RYR3: variants seen among roughly 807,000 people sequenced by gnomAD.
RYR3 encodes the protein ryanodine receptor 3.
A neutral mutation model predicts 584.3 loss-of-function variants in RYR3; 207 were observed. The observed-to-expected ratio is 0.35, with a 90% confidence interval of 0.32 to 0.40. The LOEUF (loss-of-function observed/expected upper bound fraction) is 0.40, where lower values mean the gene tolerates loss of function less well. Ranked by LOEUF, RYR3 falls within the 10% of genes least tolerant of loss-of-function variation. RYR3 has a pLI of 1.00. For synonymous variants in RYR3, 2,416 were observed against 2,248.5 expected, an observed-to-expected ratio of 1.07 and a Z score of -2.11; for missense variants, 5,616 against 6,089.2, an observed-to-expected ratio of 0.92 and a Z score of 2.59.
At position 33,647,476 on chromosome 15, in the gene RYR3, C is replaced by T; in HGVS notation, c.3978+16C>T. 6.3e-7 allele frequency: 1 copy of T among 1,575,274 alleles called. No homozygotes were observed. The highest frequency in any genetic ancestry group is 8.7e-7 in the Non-Finnish European group (1 of 1,145,036). ...TACAACAACAGTAAGTAAATGTGCT[C>T]AATTATGGTTTTAATTATTTGATTC... On this transcript the variant is annotated intron_variant, in intron 30 of 103. Transcript: ENST00000634891.
chr15:33,760,931 C>G (rs1294105375), intron 60 of RYR3, among the ~76,000 whole-genome samples: 14 of 152,188 alleles, frequency 9.2e-5, no homozygotes, highest in African/African-American at 3.4e-4. Flanking sequence ...AACTAGAACT[C>G]AGGATTAAGA....
intron 91 of RYR3, among the ~76,000 whole-genome samples, chr15:33,842,446 C>T (rs2078431040): frequency 1.3e-5 from 2 of 152,276 alleles, no homozygotes; most frequent in Non-Finnish European, 1.5e-5. Flanking sequence ...GTCCTCCAAA[C>T]CTTGATTGTT....
chr15:33,788,183 A>G, intron 66 of RYR3, 35 bp from the exon 67 acceptor site: 4 of 1,611,884 alleles, frequency 2.5e-6, no homozygotes, highest in Non-Finnish European at 3.4e-6. Context: ...TTGCCATAAT[A>G]CGTGAAATGA....
At chr15:33,660,707 A>C (rs2063112502) in intron 34 of RYR3, among the ~76,000 whole-genome samples, 1 of 152,220 alleles carries the variant, frequency 6.6e-6, no homozygotes, top group African/African-American at 2.4e-5. Context: ...TTACCTTGAA[A>C]TATGCATCAT....
rs1204002321 is a variant in RYR3, at chr15:33,834,994, C to A, written c.11490C>A (p.Ser3830Arg). ...GCCCTTGCATTGGTAATCAACAGAG[C>A]CTGGCTCACAGCAGGCTGTGGGACG... is the stretch of plus-strand genomic sequence containing the variant. ...IQGPCIGNQQ[S>R]LAHSRLWDAV... The change falls in exon 87 of 104, where the codon AGC (serine) becomes AGA (arginine). Residue 3830 changes from serine (S) to arginine (R), a missense_variant. Ser to Arg is a moderately radical substitution (Grantham distance 110, BLOSUM62 -1). Coordinates refer to ENST00000634891, the MANE Select transcript of RYR3 (RefSeq NM_001036.6). The A allele has an allele frequency of 1.2e-6, 2 of 1,613,922 alleles. No homozygotes were observed. Among genetic ancestry groups the A allele is most frequent in the Non-Finnish European group, 8.5e-7 (1 of 1,179,852 alleles).
At chr15:33,816,264 T>A (rs2076807005) in intron 74 of RYR3, among the ~76,000 whole-genome samples, 1 of 152,236 alleles carries the variant, frequency 6.6e-6, no homozygotes, top group African/African-American at 2.4e-5. Context: ...TGCCAGTTAT[T>A]CAGTGCACCC....
intron 28 of RYR3, 130 bp from the exon 29 acceptor site, chr15:33,646,221 T>G: frequency 1.4e-6 from 1 of 707,254 alleles, no homozygotes; most frequent in Non-Finnish European, 2.3e-6. Flanking sequence ...ATAGTTTGGT[T>G]ATCACTGGAC....
chr15:33,840,695 A>C (rs2078304761), intron 89 of RYR3, 130 bp from the exon 90 acceptor site: 1 of 762,326 alleles, frequency 1.3e-6, no homozygotes, highest in Non-Finnish European at 2.3e-6. Context: ...ATGTTCAGTG[A>C]TCCTGAGAGA....
At chr15:33,810,374 C>T in intron 70 of RYR3, 105 bp from the exon 71 acceptor site, 1 of 1,125,134 alleles carries the variant, frequency 8.9e-7, no homozygotes, top group Non-Finnish European at 1.3e-6. Context: ...TAAGGCCCAC[C>T]CTATACTGAC....
intron 32 of RYR3, 66 bp downstream of exon 32, chr15:33,652,949 G>A: frequency 1.3e-6 from 2 of 1,487,612 alleles, no homozygotes; most frequent in Non-Finnish European, 1.8e-6. Context: ...TGTGTTCCTT[G>A]TTCTCCGTAC....
At position 33,327,191 on chromosome 15, in the gene RYR3, A is replaced by G. The variant is rs576637858; in HGVS notation, c.51+16095A>G. On this transcript the variant is annotated intron_variant, in intron 1 of 103. Coordinates refer to ENST00000634891, the MANE Select transcript of RYR3 (RefSeq NM_001036.6). ...AGAAAAAAAAGTAAGTACTTTGAGA[A>G]CATGTAGAAAACAGAAGCTGATGAG... Among the ~76,000 whole-genome samples, 2 of 152,358 alleles carry G rather than the reference A, an allele frequency of 1.3e-5. 1 individual carries two copies. The highest frequency in any genetic ancestry group is 4.8e-5 in the African/African-American group (2 of 41,578).
In RYR3 at chr15:33,742,938, G is replaced by T. The variant is rs1047856852; in HGVS notation, c.7899+494G>T. On this transcript the variant is annotated intron_variant, in intron 52 of 103. Transcript: ENST00000634891. ...TCCCAGACACTCCCTTATTAATAAG[G>T]CTCTCCATCTGGTGTTTAAAATTCC... 7.2e-5 allele frequency among the ~76,000 whole-genome samples: 11 copies of T among 152,242 alleles called. No individual in the cohort carries two copies. In the East Asian group the frequency reaches 2.1e-3, roughly 29 times the overall value.
intron 85 of RYR3, 136 bp downstream of exon 85, chr15:33,827,423 T>C (rs2077435826): frequency 1.4e-6 from 1 of 713,172 alleles, no homozygotes; most frequent in Non-Finnish European, 2.4e-6. Context: ...TATCCACAGA[T>C]GCATGGGAAG....
intron 1 of RYR3, among the ~76,000 whole-genome samples, chr15:33,470,300 G>A (rs946216830): frequency 6.6e-6 from 1 of 152,044 alleles, no homozygotes; most frequent in African/African-American, 2.4e-5. Flanking sequence ...GGGAGGTATG[G>A]TTATTTTATA....
intron 18 of RYR3, among the ~76,000 whole-genome samples, chr15:33,612,788 T>TA (rs1367155978): frequency 6.6e-6 from 1 of 152,196 alleles, no homozygotes; most frequent in African/African-American, 2.4e-5. Flanking sequence ...CACTTACAAC[T>TA]AAACAGACAC....
chr15:33,649,720 C>G (rs1471995618), intron 31 of RYR3, among the ~76,000 whole-genome samples: 2 of 152,184 alleles, frequency 1.3e-5, no homozygotes, highest in African/African-American at 4.8e-5. Flanking sequence ...TGAATAATAA[C>G]CACCAAATAG....
rs1805465418 is a variant in RYR3 at position 33,865,713 on chromosome 15, T to TAAGCAGTTA, written c.*491_*499dup. ...CTAGTGACTGTATCCAGAAAAGCTT[T>TAAGCAGTTA]AAGCAGTTAAAGAAACAGAAAAAAA... On this transcript the variant is annotated 3_prime_UTR_variant, in exon 104 of 104. Coordinates refer to ENST00000634891, the MANE Select transcript of RYR3 (RefSeq NM_001036.6). 1 of 154,300 alleles carries TAAGCAGTTA rather than the reference T, an allele frequency of 6.5e-6. No homozygotes were observed. Among genetic ancestry groups the TAAGCAGTTA allele is most frequent in the African/African-American group, 2.4e-5 (1 of 41,466 alleles). 9.6% of individuals were successfully genotyped at this position (154,300 alleles called of 1,614,324 possible).
chr15:33,798,958 T>C (rs2075772928), intron 67 of RYR3, among the ~76,000 whole-genome samples: 1 of 152,218 alleles, frequency 6.6e-6, no homozygotes, highest in Non-Finnish European at 1.5e-5. Context: ...CAATTCATTC[T>C]GATGTCCTAG....
chr15:33,730,426 T>C (rs1325141135), intron 47 of RYR3, among the ~76,000 whole-genome samples: 1 of 152,244 alleles, frequency 6.6e-6, no homozygotes, highest in Non-Finnish European at 1.5e-5. Context: ...GCTCTGTCCT[T>C]TCTCGTTTTA....
Sources: allele counts gnomAD v4.1 joint callset (sites outside exome capture counted in the v4.1 genomes callset), GRCh38; gene constraint gnomAD v4.1.1; transcripts MANE v1.5; gene names NCBI Gene and HGNC (gene_info 2026-07-23, HGNC 2026-07-21).